ABCC6: variants seen among roughly 807,000 people sequenced by gnomAD.
ABCC6 encodes the protein ATP-binding cassette sub-family C member 6.
A neutral mutation model predicts 169.5 loss-of-function variants in ABCC6; 126 were observed. The ratio of observed to expected loss-of-function variants is 0.74; its 90% confidence interval spans 0.64 to 0.86. The LOEUF is 0.86. Ranked by LOEUF, ABCC6 falls within the 40% of genes least tolerant of loss-of-function variation. The pLI, the probability that ABCC6 is intolerant of heterozygous loss-of-function variation, is 0.00. For synonymous variants in ABCC6, 752 were observed against 814.7 expected (o/e 0.92, Z 1.31); for missense variants, 1,733 against 1,927.2 (o/e 0.90, Z 1.89).
At chr16:16,200,597 T>G (rs1414406916) in intron 9 of ABCC6, among the ~76,000 whole-genome samples, 1 of 134,830 alleles carries the variant, frequency 7.4e-6, no homozygotes, top group African/African-American at 2.6e-5. Context: ...CAAGACAGGA[T>G]AGGGCACACC....
chr16:16,174,769 C>CCG (rs78274721), intron 20 of ABCC6, among the ~76,000 whole-genome samples: 1 of 134,606 alleles, frequency 7.4e-6, no homozygotes, highest in Non-Finnish European at 1.6e-5. Context: ...AACCCCCCCC[C>CCG]GCAAAAAACA....
chr16:16,194,806 T>G (rs933200519), intron 10 of ABCC6, among the ~76,000 whole-genome samples: 3 of 152,146 alleles, frequency 2.0e-5, no homozygotes, highest in African/African-American at 7.2e-5. Flanking sequence ...TGTCTCAGCC[T>G]CCTGAGTAGC....
At chr16:16,214,674 G>GA in intron 4 of ABCC6, among the ~76,000 whole-genome samples, 1 of 151,978 alleles carries the variant, frequency 6.6e-6, no homozygotes, top group South Asian at 2.1e-4. Context: ...GCATGATCTC[G>GA]GCTCCCTGCA....
At chr16:16,196,055 C>T (rs1014321386) in intron 10 of ABCC6, among the ~76,000 whole-genome samples, 7 of 151,868 alleles carry the variant, frequency 4.6e-5, no homozygotes, top group Non-Finnish European at 8.8e-5. Context: ...ACTAAAAATA[C>T]AAAAATTAGC....
intron 12 of ABCC6, among the ~76,000 whole-genome samples, chr16:16,189,276 G>C (rs1596676515): frequency 6.6e-6 from 1 of 152,312 alleles, no homozygotes; most frequent in Non-Finnish European, 1.5e-5. Context: ...AGGCATCGGG[G>C]GACAGCAGAG....
At chr16:16,173,170 G>C in intron 21 of ABCC6, 114 bp downstream of exon 21, 1 of 1,416,570 alleles carries the variant, frequency 7.1e-7, no homozygotes, top group Non-Finnish European at 9.9e-7. Context: ...CTGGCACATA[G>C]TAGGTGCTCA....
chr16:16,205,589 A>G (rs988127503), intron 7 of ABCC6, among the ~76,000 whole-genome samples: 1 of 152,042 alleles, frequency 6.6e-6, no homozygotes, highest in Non-Finnish European at 1.5e-5. Context: ...CCTGCTGCTC[A>G]CAAATATTTT....
At chr16:16,196,953 A>G (rs1205947703) in intron 10 of ABCC6, among the ~76,000 whole-genome samples, 1 of 152,090 alleles carries the variant, frequency 6.6e-6, no homozygotes, top group Non-Finnish European at 1.5e-5. Context: ...TCACCCCCCA[A>G]ATTGCTGAGA....
intron 9 of ABCC6, among the ~76,000 whole-genome samples, chr16:16,199,002 A>G (rs1567524592): frequency 1.6e-5 from 2 of 127,784 alleles, no homozygotes; most frequent in African/African-American, 5.3e-5. Context: ...TCGGGGGGGA[A>G]AAAAGAAAAA....
At chr16:16,198,966 T>C (rs993651342) in intron 9 of ABCC6, among the ~76,000 whole-genome samples, 7 of 147,616 alleles carry the variant, frequency 4.7e-5, no homozygotes, top group African/African-American at 7.5e-5. Flanking sequence ...TGCATTCCAG[T>C]CTGGGCAACA....
At chr16:16,166,936 C>T (rs1164848320) in intron 22 of ABCC6, among the ~76,000 whole-genome samples, 3 of 152,002 alleles carry the variant, frequency 2.0e-5, no homozygotes, top group Admixed American at 2.0e-4. Flanking sequence ...CCAAAAAAAC[C>T]TCCACAAAGA....
intron 21 of ABCC6, chr16:16,173,075 A>G (rs2047165194): frequency 6.1e-6 from 4 of 652,480 alleles, no homozygotes; most frequent in East Asian, 5.5e-5. Context: ...AAAAGAATTC[A>G]GTTTCTTTAT....
rs765877071 is a variant in ABCC6 at position 16,192,430 on chromosome 16, G to C, written c.1431+400C>G. ...CATAGGTCTCCTCTGGCTGGGAGTGGAGAGAGGCTGAGGGCAGAGGCGGGG... is the reference window on the plus strand; with the variant it reads ...CATAGGTCTCCTCTGGCTGGGAGTGCAGAGAGGCTGAGGGCAGAGGCGGGG... On this transcript the variant is annotated intron_variant, in intron 11 of 30. Coordinates refer to ENST00000205557, the MANE Select transcript of ABCC6 (RefSeq NM_001171.6). Among the ~76,000 whole-genome samples the C allele has an allele frequency of 3.9e-5, 6 of 152,160 alleles. No homozygotes were observed. In the South Asian group the frequency reaches 6.2e-4, roughly 16 times the overall value.
chr16:16,179,483 C>T (rs764755039), intron 17 of ABCC6, among the ~76,000 whole-genome samples: 9 of 152,232 alleles, frequency 5.9e-5, no homozygotes, highest in Middle Eastern at 3.4e-3. Flanking sequence ...TTGTAGAAGA[C>T]GATTTTTCCA....
intron 25 of ABCC6, 102 bp downstream of exon 25, chr16:16,161,336 T>G: frequency 6.4e-7 from 1 of 1,553,520 alleles, no homozygotes; most frequent in Non-Finnish European, 8.8e-7. Context: ...CCACACACCA[T>G]GTTGGTTTGG....
chr16:16,200,429 G>GA lies in ABCC6; in HGVS notation c.1176+1571dup, dbSNP rs773448065. 9.7e-3 allele frequency among the ~76,000 whole-genome samples: 455 copies of GA among 46,876 alleles called. 2 individuals carry two copies. Among genetic ancestry groups the GA allele is most frequent in the African/African-American group, 0.016 (224 of 13,616 alleles). 30.8% of individuals were successfully genotyped at this position (46,876 alleles called of 152,430 possible). A position where few individuals can be genotyped will look rare whatever the true frequency, so the allele number is the denominator to read the frequency against. On this transcript the variant is annotated intron_variant, in intron 9 of 30. Transcript: ENST00000205557. ...GGGCAACAAGAGCGAAACTCTGTCA[G>GA]AAAAAAAAAAAAAAAAAAAAGCCCA...
intron 28 of ABCC6, 38 bp from the exon 29 acceptor site, chr16:16,154,832 C>G: frequency 1.2e-6 from 2 of 1,609,686 alleles, no homozygotes; most frequent in Non-Finnish European, 1.7e-6. Context: ...CCGGGTCCCA[C>G]CATGCCTCCC....
At chr16:16,166,675 T>C (rs1049601525) in intron 22 of ABCC6, among the ~76,000 whole-genome samples, 5 of 151,538 alleles carry the variant, frequency 3.3e-5, no homozygotes, top group Non-Finnish European at 7.4e-5. Context: ...AGGTCAGGAG[T>C]TCGAGACCAG....
At chr16:16,184,674 G>A (rs1013337519) in intron 15 of ABCC6, among the ~76,000 whole-genome samples, 8 of 152,130 alleles carry the variant, frequency 5.3e-5, no homozygotes, top group African/African-American at 9.7e-5. Flanking sequence ...CCTTGGCATC[G>A]TCTTGGCCAG....
Sources: gnomAD v4.1 joint callset for allele counts (sites outside exome capture counted in the v4.1 genomes callset) on GRCh38, gnomAD v4.1.1 for gene constraint, MANE v1.5 for transcripts, NCBI Gene and HGNC (gene_info 2026-07-23, HGNC 2026-07-21) for gene names.